The following TASP1 variants were observed in gnomAD, a reference collection of about 807,000 sequenced individuals.
The protein encoded by TASP1 is taspase 1, also known as threonine aspartase 1.
Under a neutral mutation model 56.6 loss-of-function variants are expected in TASP1, and 16 were observed. That is an observed-to-expected ratio of 0.28 (90% CI 0.19 to 0.43). TASP1 has a LOEUF of 0.43. TASP1 is among the 20% of genes least tolerant of loss of function. The pLI is 1.00. For missense variants in TASP1, 393 were observed against 511.6 expected, an observed-to-expected ratio of 0.77 and a Z score of 2.24; for synonymous variants, 179 against 184.2, an observed-to-expected ratio of 0.97 and a Z score of 0.23.
chr20:13,321,968 C>T, the TASP1 span, among the ~76,000 whole-genome samples: 1,671 of 152,188 alleles, frequency 0.011, 14 homozygotes, highest in Non-Finnish European at 0.018. Context: ...ATGATCATAA[C>T]GATACTGTTG....
At chr20:13,487,446 T>C (rs2043365989) in intron 10 of TASP1, among the ~76,000 whole-genome samples, 1 of 152,170 alleles carries the variant, frequency 6.6e-6, no homozygotes, top group African/African-American at 2.4e-5. Context: ...ATAAAAACCC[T>C]GGATTCAGCA....
At chr20:13,117,773 G>C in the TASP1 span, 1 of 1,519,644 alleles carries the variant, frequency 6.6e-7, no homozygotes. Context: ...GCGCCCTGGG[G>C]ATGCCGTGTG....
At chr20:13,422,193 T>A (rs960972587) in intron 12 of TASP1, among the ~76,000 whole-genome samples, 2 of 152,112 alleles carry the variant, frequency 1.3e-5, no homozygotes, top group Non-Finnish European at 2.9e-5. Flanking sequence ...GACCTTGTTA[T>A]CCGCGTGCCT....
At chr20:13,371,098 T>C in the TASP1 span, among the ~76,000 whole-genome samples, 2 of 152,170 alleles carry the variant, frequency 1.3e-5, no homozygotes, top group South Asian at 2.1e-4. Context: ...GTCAGTATTA[T>C]TGATCTTTTT....
At chr20:13,149,637 A>G in the TASP1 span, among the ~76,000 whole-genome samples, 1 of 152,262 alleles carries the variant, frequency 6.6e-6, no homozygotes, top group Non-Finnish European at 1.5e-5. Context: ...CTTGTCAGCC[A>G]TGCTGTGCTA....
chr20:13,519,248 T>C (rs2043626402), intron 10 of TASP1, among the ~76,000 whole-genome samples: 1 of 152,112 alleles, frequency 6.6e-6, no homozygotes, highest in African/African-American at 2.4e-5. Flanking sequence ...ACCTGGGTGA[T>C]AGGATCAATC....
downstream of TASP1, among the ~76,000 whole-genome samples, chr20:13,388,105 T>C (rs1365030091): frequency 6.6e-6 from 1 of 152,142 alleles, no homozygotes; most frequent in Admixed American, 6.5e-5. Flanking sequence ...AAATCAAATA[T>C]AGGCACACAG....
chr20:13,141,920 C>T, the TASP1 span, among the ~76,000 whole-genome samples: 1 of 152,154 alleles, frequency 6.6e-6, no homozygotes, highest in African/African-American at 2.4e-5. Context: ...ATCAAGGTGA[C>T]AGACATTGCC....
chr20:13,119,353 G>A, the TASP1 span, among the ~76,000 whole-genome samples: 5 of 152,090 alleles, frequency 3.3e-5, no homozygotes, highest in Admixed American at 6.5e-5. Context: ...ACAAAGGCTC[G>A]CGACTAGCAG....
At chr20:13,307,909 T>C in the TASP1 span, among the ~76,000 whole-genome samples, 1 of 152,228 alleles carries the variant, frequency 6.6e-6, no homozygotes, top group African/African-American at 2.4e-5. Context: ...GGTGTGCTTT[T>C]GGGTGTGCGT....
At chr20:13,470,062 G>T (rs1381723519) in intron 11 of TASP1, among the ~76,000 whole-genome samples, 1 of 151,546 alleles carries the variant, frequency 6.6e-6, no homozygotes, top group Non-Finnish European at 1.5e-5. Context: ...GCCTGCTTTG[G>T]TTTCTAAATG....
intron 10 of TASP1, among the ~76,000 whole-genome samples, chr20:13,499,208 A>C (rs1227388785): frequency 6.6e-6 from 1 of 152,146 alleles, no homozygotes; most frequent in Non-Finnish European, 1.5e-5. Context: ...CTAACACAAA[A>C]ACAGAAAACC....
rs140517986 is a variant in TASP1, at chr20:13,634,029, G to C, written c.-74-3877C>G. Among the ~76,000 whole-genome samples, 1,338 of 152,196 alleles carry C rather than the reference G, an allele frequency of 8.8e-3. 17 individuals are homozygous for C. Among genetic ancestry groups the C allele is most frequent in the Middle Eastern group, 0.034 (10 of 294 alleles). ...TAAACAGAGTTATGCTATGACCCAA[G>C]AATTCCATTTCTAGGTATATACCCA... On this transcript the variant is annotated intron_variant, in intron 1 of 13. Coordinates refer to ENST00000337743, the MANE Select transcript of TASP1 (RefSeq NM_017714.3).
the TASP1 span, among the ~76,000 whole-genome samples, chr20:13,327,066 T>C: frequency 5.9e-5 from 9 of 152,168 alleles, no homozygotes; most frequent in Non-Finnish European, 1.0e-4. Flanking sequence ...GAAAACCCCA[T>C]TATCTCAGCC....
chr20:13,461,732 T>C (rs2044059821), intron 11 of TASP1, among the ~76,000 whole-genome samples: 1 of 152,182 alleles, frequency 6.6e-6, no homozygotes, highest in Admixed American at 6.5e-5. Context: ...CAGGCCATAG[T>C]TTGCCAACCC....
the TASP1 span, among the ~76,000 whole-genome samples, chr20:13,169,401 T>C: frequency 6.6e-6 from 1 of 151,924 alleles, no homozygotes; most frequent in African/African-American, 2.4e-5. Context: ...CCACCTACAA[T>C]GGTACAATAC....
At chr20:13,512,543 T>G (rs976570287) in intron 10 of TASP1, among the ~76,000 whole-genome samples, 4 of 152,190 alleles carry the variant, frequency 2.6e-5, no homozygotes, top group Non-Finnish European at 5.9e-5. Flanking sequence ...TTTCTCCCAT[T>G]CTGTAGGTTG....
chr20:13,378,927 G>T, the TASP1 span, among the ~76,000 whole-genome samples: 1 of 152,036 alleles, frequency 6.6e-6, no homozygotes, highest in African/African-American at 2.4e-5. Context: ...AGTTTGCTTG[G>T]TAAATATTCC....
At chr20:13,289,073 A>C in the TASP1 span, among the ~76,000 whole-genome samples, 1 of 152,236 alleles carries the variant, frequency 6.6e-6, no homozygotes, top group African/African-American at 2.4e-5. Context: ...GGCATGAGGC[A>C]AGATGTAACT....
Sources: gnomAD v4.1 joint callset for allele counts (sites outside exome capture counted in the v4.1 genomes callset) on GRCh38, gnomAD v4.1.1 for gene constraint, MANE v1.5 for transcripts, NCBI Gene and HGNC (gene_info 2026-07-23, HGNC 2026-07-21) for gene names.